Variants in EXOC4 observed in about 807,000 individuals in gnomAD.
EXOC4 encodes exocyst complex component 4.
EXOC4 carries 71 observed loss-of-function variants against 107.2 expected under a neutral mutation model. That is an observed-to-expected ratio of 0.66 (90% CI 0.55 to 0.81). EXOC4 has a LOEUF of 0.81. Ranked by LOEUF, EXOC4 falls within the 30% of genes least tolerant of loss-of-function variation. The probability of loss-of-function intolerance (pLI) is 0.00; values close to 1 mark genes in which losing one functional copy is unlikely to be tolerated. For synonymous variants in EXOC4, 456 were observed against 441.2 expected (o/e 1.03, Z -0.42); for missense variants, 1,108 against 1,189.6 (o/e 0.93, Z 1.01).
At chr7:133,572,497 A>G (rs1025119252) in intron 9 of EXOC4, among the ~76,000 whole-genome samples, 11 of 152,222 alleles carry the variant, frequency 7.2e-5, no homozygotes, top group Non-Finnish European at 1.5e-5. Context: ...AGTTGCTTCT[A>G]TAATCGTTTT....
intron 7 of EXOC4, among the ~76,000 whole-genome samples, chr7:133,417,512 C>G (rs1194356179): frequency 1.3e-5 from 2 of 152,138 alleles, no homozygotes; most frequent in African/African-American, 4.8e-5. Flanking sequence ...AATGTAGTGA[C>G]TATAAGAAAC....
intron 10 of EXOC4, among the ~76,000 whole-genome samples, chr7:133,636,433 AAG>A (rs1336747954): frequency 1.3e-5 from 2 of 152,186 alleles, no homozygotes; most frequent in Non-Finnish European, 2.9e-5. Flanking sequence ...TTTATGCAAA[AAG>A]TGAGTTTTAT....
At chr7:133,686,493 C>T (rs62471409) in intron 10 of EXOC4, among the ~76,000 whole-genome samples, 54,854 of 151,904 alleles carry the variant, frequency 0.36, 12,354 homozygotes, top group Admixed American at 0.54. Context: ...TTTTGTCTGA[C>T]GTCCTTCCTC....
At chr7:133,322,600 A>G (rs1470836577) in intron 5 of EXOC4, among the ~76,000 whole-genome samples, 1 of 152,306 alleles carries the variant, frequency 6.6e-6, no homozygotes, top group African/African-American at 2.4e-5. Flanking sequence ...TACCAATACC[A>G]TGCTGTTTTG....
intron 13 of EXOC4, among the ~76,000 whole-genome samples, chr7:133,928,459 C>A (rs1433619646): frequency 6.6e-6 from 1 of 152,158 alleles, no homozygotes; most frequent in Non-Finnish European, 1.5e-5. Context: ...GGTGAAGGAC[C>A]ATTTGCCTCC....
At chr7:133,356,680 G>A (rs1487981254) in intron 6 of EXOC4, 107 bp downstream of exon 6, 12 of 1,333,442 alleles carry the variant, frequency 9.0e-6, no homozygotes, top group Non-Finnish European at 1.2e-5. Context: ...CTTGAACTTA[G>A]GATACTATAG....
At chr7:133,871,444 C>G (rs1226874965) in intron 11 of EXOC4, among the ~76,000 whole-genome samples, 5 of 152,064 alleles carry the variant, frequency 3.3e-5, no homozygotes, top group African/African-American at 1.2e-4. Flanking sequence ...TGAGCCACAC[C>G]AATTACCATT....
At chr7:133,356,301 T>A in intron 5 of EXOC4, 29 bp from the exon 6 acceptor site, 1 of 1,610,074 alleles carries the variant, frequency 6.2e-7, no homozygotes, top group South Asian at 1.1e-5. Context: ...GGAGTCTGTA[T>A]CTATTATTGT....
chr7:133,504,371 G>GT (rs1799630212), intron 9 of EXOC4, among the ~76,000 whole-genome samples: 1 of 152,028 alleles, frequency 6.6e-6, no homozygotes, highest in Admixed American at 6.6e-5. Context: ...TGGTTTGTTT[G>GT]TTTTTTCTCC....
chr7:134,097,715 A>G, the EXOC4 span, among the ~76,000 whole-genome samples: 1 of 152,208 alleles, frequency 6.6e-6, no homozygotes, highest in Non-Finnish European at 1.5e-5. Flanking sequence ...CCAAGTTCCC[A>G]GAAAATCCCA....
chr7:133,608,181 T>C (rs1248850265), intron 9 of EXOC4, among the ~76,000 whole-genome samples: 2 of 152,224 alleles, frequency 1.3e-5, no homozygotes, highest in African/African-American at 4.8e-5. Flanking sequence ...TGGGACTTAT[T>C]TTTTGTTAGG....
chr7:133,537,473 A>G lies in EXOC4; in HGVS notation c.1417+57335A>G, dbSNP rs574203816. 1.6e-4 allele frequency among the ~76,000 whole-genome samples: 24 copies of G among 152,172 alleles called. 1 individual carries two copies. The South Asian group carries it at 5.0e-3, about 32-fold the overall frequency. On this transcript the variant is annotated intron_variant, in intron 9 of 17. Transcript: ENST00000253861. ...CACGCCCGGCCTAATTTCATACTAT[A>G]TAGTTATCTATTGTTGTCCCATACT...
At chr7:133,993,383 A>C (rs1162757702) in intron 14 of EXOC4, among the ~76,000 whole-genome samples, 2 of 152,206 alleles carry the variant, frequency 1.3e-5, no homozygotes, top group East Asian at 3.8e-4. Context: ...AGAGTAGCTC[A>C]GGGAATCAAC....
intron 6 of EXOC4, among the ~76,000 whole-genome samples, chr7:133,371,950 A>G (rs1400461817): frequency 6.6e-6 from 1 of 152,098 alleles, no homozygotes; most frequent in African/African-American, 2.4e-5. Context: ...ATTCTAGCTC[A>G]TTGTGATTTT....
chr7:133,889,524 A>C (rs1799161835), intron 11 of EXOC4, among the ~76,000 whole-genome samples: 1 of 140,402 alleles, frequency 7.1e-6, no homozygotes, highest in Non-Finnish European at 1.5e-5. Context: ...TGCACCCACT[A>C]ACTCGTCATC....
At chr7:133,843,035 T>C (rs886310658) in intron 11 of EXOC4, among the ~76,000 whole-genome samples, 6 of 152,214 alleles carry the variant, frequency 3.9e-5, no homozygotes, top group African/African-American at 1.4e-4. Context: ...GTGTCTGTTT[T>C]GGTACCAGTA....
At chr7:133,328,557 G>T (rs1441740935) in intron 5 of EXOC4, among the ~76,000 whole-genome samples, 1 of 152,102 alleles carries the variant, frequency 6.6e-6, no homozygotes, top group Non-Finnish European at 1.5e-5. Flanking sequence ...TGCAGTGGTT[G>T]GTACTGGTTA....
At chr7:133,572,849 T>C (rs1379868089) in intron 9 of EXOC4, among the ~76,000 whole-genome samples, 3 of 152,230 alleles carry the variant, frequency 2.0e-5, no homozygotes, top group African/African-American at 7.2e-5. Flanking sequence ...TATGACCAGC[T>C]TCTCATTTGA....
intron 7 of EXOC4, among the ~76,000 whole-genome samples, chr7:133,442,749 A>T (rs1014593970): frequency 6.6e-6 from 1 of 152,178 alleles, no homozygotes; most frequent in Non-Finnish European, 1.5e-5. Flanking sequence ...ATTTGAAGGA[A>T]TCGAAGATTT....
Sources: gnomAD v4.1 joint callset for allele counts (sites outside exome capture counted in the v4.1 genomes callset) on GRCh38, gnomAD v4.1.1 for gene constraint, MANE v1.5 for transcripts, NCBI Gene and HGNC (gene_info 2026-07-23, HGNC 2026-07-21) for gene names.